Variants in NIM1K observed in about 807,000 individuals in gnomAD.
The protein encoded by NIM1K is serine/threonine-protein kinase NIM1.
A neutral mutation model predicts 37.1 loss-of-function variants in NIM1K; 35 were observed. The observed-to-expected ratio is 0.94, with a 90% CI of 0.72 to 1.25. NIM1K has a LOEUF of 1.25. Ranked by LOEUF, NIM1K falls within the 50% of genes most tolerant of loss-of-function variation. The pLI is 0.00. For synonymous variants in NIM1K, 234 were observed against 206.6 expected, an observed-to-expected ratio of 1.13 and a Z score of -1.14; for missense variants, 564 against 548.0, an observed-to-expected ratio of 1.03 and a Z score of -0.29.
At chr5:43,199,204 A>AAAAT (rs1200134957) in intron 1 of NIM1K, among the ~76,000 whole-genome samples, 2 of 94,072 alleles carry the variant, frequency 2.1e-5, no homozygotes, top group African/African-American at 7.8e-5. Flanking sequence ...AAAAAAAAAA[A>AAAAT]ATATATATAT....
chr5:43,223,985 G>A (rs200967281), intron 1 of NIM1K, among the ~76,000 whole-genome samples: 1 of 126,652 alleles, frequency 7.9e-6, no homozygotes, highest in South Asian at 2.6e-4. Flanking sequence ...TCTTTTTTGA[G>A]GGTTAAAAAA....
chr5:43,232,580 A>G (rs1561081136), intron 1 of NIM1K: 1 of 1,576,660 alleles, frequency 6.3e-7, no homozygotes. Flanking sequence ...ACACAATCAG[A>G]GTGCTCCAGG....
chr5:43,195,939 G>A (rs1024085773), intron 1 of NIM1K, among the ~76,000 whole-genome samples: 2 of 152,180 alleles, frequency 1.3e-5, no homozygotes, highest in South Asian at 2.1e-4. Context: ...TGCAGAATAG[G>A]AAACTAAGAA....
At chr5:43,252,956 T>C (rs1752886202) in intron 2 of NIM1K, among the ~76,000 whole-genome samples, 1 of 151,188 alleles carries the variant, frequency 6.6e-6, no homozygotes, top group African/African-American at 2.4e-5. Flanking sequence ...ATCTATTAAT[T>C]CATTCTTTCC....
intron 1 of NIM1K, among the ~76,000 whole-genome samples, chr5:43,196,833 T>C (rs934224096): frequency 6.6e-6 from 1 of 151,826 alleles, no homozygotes; most frequent in African/African-American, 2.4e-5. Flanking sequence ...AGTACAGTGG[T>C]GTGATCATGG....
intron 1 of NIM1K, among the ~76,000 whole-genome samples, chr5:43,204,162 G>A (rs1003904920): frequency 2.5e-5 from 3 of 119,544 alleles, no homozygotes; most frequent in African/African-American, 9.7e-5. Flanking sequence ...TCAGCTCACT[G>A]CAACCTCCGC....
At chr5:43,253,571 T>C (rs557820808) in intron 2 of NIM1K, among the ~76,000 whole-genome samples, 1 of 152,018 alleles carries the variant, frequency 6.6e-6, no homozygotes, top group East Asian at 1.9e-4. Context: ...CACAGAGTCA[T>C]GGGAAAGAGA....
Position 43,206,702 on chromosome 5 carries a change from C to T in NIM1K, c.-695+14291C>T, listed in dbSNP as rs768346922. ...CTCCCCCAGGTATGGCACAGGGCCTCGCCTCACTAAGGCAGCAGCACAGCA... is the reference window on the plus strand; with the variant it reads ...CTCCCCCAGGTATGGCACAGGGCCTTGCCTCACTAAGGCAGCAGCACAGCA... On this transcript the variant is annotated intron_variant, in intron 1 of 3. Coordinates refer to ENST00000326035, the MANE Select transcript of NIM1K (RefSeq NM_153361.4). The T allele has an allele frequency of 3.1e-5, 22 of 701,272 alleles. 1 individual carries two copies. Among genetic ancestry groups the T allele is most frequent in the Middle Eastern group, 7.7e-4 (2 of 2,606 alleles). The allele number at this position is 701,272 out of a possible 1,614,324, so 43.4% of individuals were successfully genotyped here.
intron 2 of NIM1K, among the ~76,000 whole-genome samples, chr5:43,246,357 T>C (rs1400750027): frequency 6.6e-6 from 1 of 151,776 alleles, no homozygotes; most frequent in Non-Finnish European, 1.5e-5. Flanking sequence ...CCTTCCACCA[T>C]ACCATGCAGA....
intron 2 of NIM1K, among the ~76,000 whole-genome samples, chr5:43,250,933 A>G (rs1210570352): frequency 6.6e-6 from 1 of 152,230 alleles, no homozygotes; most frequent in African/African-American, 2.4e-5. Context: ...TGAAATACTC[A>G]TTCAGTAACT....
At chr5:43,238,161 G>A (rs1047212902) in intron 1 of NIM1K, among the ~76,000 whole-genome samples, 15 of 150,134 alleles carry the variant, frequency 1.0e-4, no homozygotes, top group African/African-American at 3.7e-4. Context: ...TCCTGCCTCA[G>A]CCTCCCTAGT....
intron 2 of NIM1K, among the ~76,000 whole-genome samples, chr5:43,256,245 C>T (rs1579982635): frequency 6.6e-6 from 1 of 150,600 alleles, no homozygotes; most frequent in East Asian, 1.9e-4. Context: ...AGTTAGGAGC[C>T]TGTTGTATTA....
At chr5:43,224,452 A>T (rs1752424773) in intron 1 of NIM1K, among the ~76,000 whole-genome samples, 1 of 152,052 alleles carries the variant, frequency 6.6e-6, no homozygotes, top group Admixed American at 6.6e-5. Flanking sequence ...CAGAAAAAAA[A>T]AAAAAAGATT....
At chr5:43,266,244 C>G (rs1036264665) in intron 2 of NIM1K, among the ~76,000 whole-genome samples, 2 of 152,192 alleles carry the variant, frequency 1.3e-5, no homozygotes, top group African/African-American at 4.8e-5. Flanking sequence ...GCAGGCTGGC[C>G]TCCTTGAGCT....
chr5:43,203,060 C>G (rs1335428378), intron 1 of NIM1K, among the ~76,000 whole-genome samples: 2 of 152,096 alleles, frequency 1.3e-5, no homozygotes, highest in African/African-American at 2.4e-5. Context: ...TGTTGGTAGC[C>G]TTTAGTTTTG....
intron 1 of NIM1K, among the ~76,000 whole-genome samples, chr5:43,234,712 G>A (rs1345116625): frequency 1.3e-5 from 2 of 152,170 alleles, no homozygotes; most frequent in Non-Finnish European, 2.9e-5. Context: ...TTGGCTCACT[G>A]CAACCTCCAC....
chr5:43,193,287 T>G (rs368214538), intron 1 of NIM1K: 66 of 151,740 alleles, frequency 4.3e-4, no homozygotes, highest in African/African-American at 1.6e-3. Context: ...TTTCCTTCCC[T>G]CCTTCCCTCC....
chr5:43,231,328 A>C (rs918089597), intron 1 of NIM1K, among the ~76,000 whole-genome samples: 1 of 152,120 alleles, frequency 6.6e-6, no homozygotes, highest in African/African-American at 2.4e-5. Context: ...CTCTTCCTCT[A>C]TCTATATCTA....
chr5:43,243,369 A>G (rs919321314), intron 1 of NIM1K, among the ~76,000 whole-genome samples: 1 of 152,118 alleles, frequency 6.6e-6, no homozygotes, highest in Non-Finnish European at 1.5e-5. Flanking sequence ...ATCTAGTGCC[A>G]CTTGACCTTC....
Sources: gnomAD v4.1 joint callset for allele counts (sites outside exome capture counted in the v4.1 genomes callset) on GRCh38, gnomAD v4.1.1 for gene constraint, MANE v1.5 for transcripts, NCBI Gene and HGNC (gene_info 2026-07-23, HGNC 2026-07-21) for gene names.